Variants in OSBPL3 observed in about 807,000 individuals in gnomAD.
The protein encoded by OSBPL3 is oxysterol-binding protein-related protein 3.
A neutral mutation model predicts 120.1 loss-of-function variants in OSBPL3; 65 were observed. The observed-to-expected ratio is 0.54, with a 90% confidence interval of 0.44 to 0.67. The LOEUF is 0.67. OSBPL3 is among the 30% of genes least tolerant of loss of function. OSBPL3 has a pLI of 0.00. For missense variants in OSBPL3, 1,004 were observed against 1,082.1 expected, an observed-to-expected ratio of 0.93 and a Z score of 1.01; for synonymous variants, 416 against 402.6, an observed-to-expected ratio of 1.03 and a Z score of -0.40.
At chr7:24,807,043 T>G in intron 20 of OSBPL3, 141 bp from the exon 21 acceptor site, 1 of 706,750 alleles carries the variant, frequency 1.4e-6, no homozygotes, top group South Asian at 2.2e-5. Flanking sequence ...TTCTGACTAA[T>G]GAACAGGCAC....
At chr7:24,943,467 T>C (rs991455983) in intron 1 of OSBPL3, among the ~76,000 whole-genome samples, 2 of 152,232 alleles carry the variant, frequency 1.3e-5, no homozygotes, top group African/African-American at 4.8e-5. Flanking sequence ...CATTCATAAA[T>C]TGAAGTTTAT....
At position 24,955,276 on chromosome 7, in the gene OSBPL3, G is replaced by A. The variant is rs1458615291; in HGVS notation, c.-150+24610C>T. Among the ~76,000 whole-genome samples, 1 of 152,172 alleles carries A rather than the reference G, an allele frequency of 6.6e-6. No homozygotes were observed. The highest frequency in any genetic ancestry group is 6.5e-5 in the Admixed American group (1 of 15,280). ...TACCAGTTAATTCCCCACCAACAAG[G>A]AAGAAAGCAAACTTTTCCCATAATG... is the stretch of plus-strand genomic sequence containing the variant. On this transcript the variant is annotated intron_variant, in intron 1 of 22. Transcript: ENST00000313367. This position sits in a 1 kb window ranked among gnomAD's most constrained non-coding sequence, Gnocchi z 4.3.
chr7:24,830,916 G>C lies in OSBPL3; in HGVS notation c.1747-11C>G, dbSNP rs761356316. 2 of 1,585,330 alleles carry C rather than the reference G, an allele frequency of 1.3e-6. No individual in the cohort carries two copies. The highest frequency in any genetic ancestry group is 1.2e-5 in the South Asian group (1 of 85,346). Reference sequence around the variant, plus strand: ...GGCTGCCACATATACCTAAGGACAAGAGAAAAGAACTTTGTCATTTCCGTG... The same window carrying C: ...GGCTGCCACATATACCTAAGGACAACAGAAAAGAACTTTGTCATTTCCGTG... On this transcript the variant is annotated splice_polypyrimidine_tract_variant and intron_variant, in intron 15 of 22. Transcript: ENST00000313367. This position sits in a 1 kb window ranked among gnomAD's most constrained non-coding sequence, Gnocchi z 4.4.
At chr7:24,810,167 G>A in intron 19 of OSBPL3, 1 of 508,088 alleles carries the variant, frequency 2.0e-6, no homozygotes, top group Non-Finnish European at 3.5e-6. Context: ...TATACATTGT[G>A]GAATGGCTAA....
chr7:24,929,284 G>A lies in OSBPL3; in HGVS notation c.-149-36663C>T, dbSNP rs556877430. On this transcript the variant is annotated intron_variant, in intron 1 of 22. Transcript: ENST00000313367. The stretch of plus-strand genomic sequence containing the variant: ...TCTTTCTAAGGAACACAGGCAATGT[G>A]GTATACTGAAAGGTCGCTGGATCAG... 2.6e-5 allele frequency among the ~76,000 whole-genome samples: 4 copies of A among 152,256 alleles called. No individual in the cohort carries two copies. The South Asian group carries it at 8.3e-4, about 32-fold the overall frequency.
At chr7:24,904,523 T>C (rs1176991597) in intron 1 of OSBPL3, among the ~76,000 whole-genome samples, 1 of 152,216 alleles carries the variant, frequency 6.6e-6, no homozygotes, top group East Asian at 1.9e-4. Context: ...ATAGTTTAAA[T>C]ATACAGGAGG....
chr7:24,868,215 T>C (rs1279710189), intron 5 of OSBPL3, among the ~76,000 whole-genome samples: 1 of 150,276 alleles, frequency 6.7e-6, no homozygotes, highest in Non-Finnish European at 1.5e-5. Context: ...TACTTAGGAG[T>C]CTGAGGCAGG....
chr7:24,874,946 G>A (rs1054482493), intron 2 of OSBPL3, among the ~76,000 whole-genome samples: 2 of 152,094 alleles, frequency 1.3e-5, no homozygotes, highest in Non-Finnish European at 2.9e-5. Flanking sequence ...ATGCTCCCTC[G>A]GGGACACTGT....
At chr7:24,924,527 G>A (rs990117178) in intron 1 of OSBPL3, among the ~76,000 whole-genome samples, 1 of 152,300 alleles carries the variant, frequency 6.6e-6, no homozygotes, top group East Asian at 1.9e-4. Flanking sequence ...AAGAATTGCC[G>A]TCATCTGGCT....
chr7:24,863,550 T>G lies in OSBPL3; in HGVS notation c.723A>C (p.Gln241His). ...ATGTCCGATGCAGGACGTCCATGCT[T>G]TGCAGGAGCTGGCTCATTTCTACCA... ...AYLVEMSQLL[Q>H]SMDVLHRTYS... The change falls in exon 8 of 23, where the codon CAA becomes CAC. Residue 241 changes from glutamine to histidine, a missense_variant. Coordinates refer to ENST00000313367, the MANE Select transcript of OSBPL3 (RefSeq NM_015550.4). This position sits in a 1 kb window ranked among gnomAD's most constrained non-coding sequence, Gnocchi z 5.8. 6.2e-7 allele frequency: 1 copy of G among 1,614,072 alleles called. No homozygotes were observed. Among genetic ancestry groups the G allele is most frequent in the Non-Finnish European group, 8.5e-7 (1 of 1,179,990 alleles).
rs891443082 is a variant in OSBPL3 at position 24,912,331 on chromosome 7, TAA to T, written c.-149-19712_-149-19711del. On this transcript the variant is annotated intron_variant, in intron 1 of 22. Coordinates refer to ENST00000313367, the MANE Select transcript of OSBPL3 (RefSeq NM_015550.4). The surrounding 1 kb of genome is among the most constrained non-coding windows in gnomAD (Gnocchi z 4.5). ...AAAATGTGGGATGTAAGTAATGTGTTAAAACTCTAAGCTGGATTCCATCAAAT... is the reference window on the plus strand; with the variant it reads ...AAAATGTGGGATGTAAGTAATGTGTTAACTCTAAGCTGGATTCCATCAAAT... Among the ~76,000 whole-genome samples, 1 of 152,190 alleles carries T rather than the reference TAA, an allele frequency of 6.6e-6. No individual in the cohort carries two copies. Among genetic ancestry groups the T allele is most frequent in the Non-Finnish European group, 1.5e-5 (1 of 68,026 alleles).
In OSBPL3 at chr7:24,900,184, G is replaced by A. The variant is rs1430226413; in HGVS notation, c.-149-7563C>T. Among the ~76,000 whole-genome samples, 6 of 152,180 alleles carry A rather than the reference G, an allele frequency of 3.9e-5. No individual in the cohort carries two copies. The highest frequency in any genetic ancestry group is 6.5e-5 in the Admixed American group (1 of 15,282). On this transcript the variant is annotated intron_variant, in intron 1 of 22. Transcript: ENST00000313367. The surrounding 1 kb of genome is among the most constrained non-coding windows in gnomAD (Gnocchi z 4.5). Reference sequence around the variant, plus strand: ...AATCAGGAACTGAGAGGGGGACCCTGGGATCTGTTTTTCACAAGTTCTCCA... The same window carrying A: ...AATCAGGAACTGAGAGGGGGACCCTAGGATCTGTTTTTCACAAGTTCTCCA...
rs1233338701 is a variant in OSBPL3 at position 24,966,176 on chromosome 7, C to G, written c.-150+13710G>C. On this transcript the variant is annotated intron_variant, in intron 1 of 22. Coordinates refer to ENST00000313367, the MANE Select transcript of OSBPL3 (RefSeq NM_015550.4). This position sits in a 1 kb window ranked among gnomAD's most constrained non-coding sequence, Gnocchi z 4.8. Reference sequence around the variant, plus strand: ...TCGCTTCCTACAACATGGGTATTTTCCCCAGACTGGGAAGTTCTTAGCCGC... The same window carrying G: ...TCGCTTCCTACAACATGGGTATTTTGCCCAGACTGGGAAGTTCTTAGCCGC... 6.6e-6 allele frequency among the ~76,000 whole-genome samples: 1 copy of G among 152,222 alleles called. No homozygotes were observed. The highest frequency in any genetic ancestry group is 1.5e-5 in the Non-Finnish European group (1 of 68,036).
chr7:24,970,950 C>T (rs1425172233), intron 1 of OSBPL3, among the ~76,000 whole-genome samples: 1 of 152,190 alleles, frequency 6.6e-6, no homozygotes, highest in East Asian at 1.9e-4. Flanking sequence ...CCTCAAACCT[C>T]AAAGTAAAAG....
intron 2 of OSBPL3, among the ~76,000 whole-genome samples, chr7:24,890,814 A>G (rs1805234330): frequency 1.3e-5 from 2 of 152,244 alleles, no homozygotes; most frequent in Admixed American, 1.3e-4. Context: ...TTGAGGCATC[A>G]AGCACATTCC....
chr7:24,903,198 G>A (rs1807325338), intron 1 of OSBPL3, among the ~76,000 whole-genome samples: 2 of 152,144 alleles, frequency 1.3e-5, no homozygotes, highest in South Asian at 2.1e-4. Flanking sequence ...GGTGAGCCCT[G>A]TGGCTCCCAG....
intron 20 of OSBPL3, among the ~76,000 whole-genome samples, 179 bp downstream of exon 20, chr7:24,809,628 A>G (rs1793513419): frequency 6.6e-6 from 1 of 152,138 alleles, no homozygotes; most frequent in African/African-American, 2.4e-5. Flanking sequence ...TGCTGTAAGT[A>G]AGCATGACAG....
Position 24,831,481 on chromosome 7 carries a change from A to G in OSBPL3, c.1747-576T>C, listed in dbSNP as rs1353903996. 2.0e-5 allele frequency among the ~76,000 whole-genome samples: 3 copies of G among 151,304 alleles called. No individual in the cohort carries two copies. The highest frequency in any genetic ancestry group is 7.2e-5 in the African/African-American group (3 of 41,420). ...TAAAGTTCTGCTTTTTTGGGAGGAA[A>G]AGTGAAACATCCAAAAAAAAAATTA... On this transcript the variant is annotated intron_variant, in intron 15 of 22. Coordinates refer to ENST00000313367, the MANE Select transcript of OSBPL3 (RefSeq NM_015550.4). This position sits in a 1 kb window ranked among gnomAD's most constrained non-coding sequence, Gnocchi z 4.0.
chr7:24,821,593 G>C lies in OSBPL3; in HGVS notation c.1885-1355C>G, dbSNP rs1344227688. 6.6e-6 allele frequency among the ~76,000 whole-genome samples: 1 copy of C among 152,190 alleles called. No homozygotes were observed. Among genetic ancestry groups the C allele is most frequent in the East Asian group, 1.9e-4 (1 of 5,186 alleles). On this transcript the variant is annotated intron_variant, in intron 16 of 22. Coordinates refer to ENST00000313367, the MANE Select transcript of OSBPL3 (RefSeq NM_015550.4). The surrounding 1 kb of genome is among the most constrained non-coding windows in gnomAD (Gnocchi z 5.5). ...GGTCACACACGCCACACCCAGATGT[G>C]ACTCATGGGATTACAGCCGTACCAG...
Sources: gnomAD v4.1 joint callset for allele counts (sites outside exome capture counted in the v4.1 genomes callset) on GRCh38, gnomAD v4.1.1 for gene constraint, Gnocchi (gnomAD v3.1) non-coding constraint, MANE v1.5 for transcripts, NCBI Gene and HGNC (gene_info 2026-07-23, HGNC 2026-07-21) for gene names.